Variants in CYRIB observed in about 807,000 individuals in gnomAD.
The protein encoded by CYRIB is CYFIP-related Rac1 interactor B.
In CYRIB, 8 loss-of-function variants were observed where a neutral mutation model predicts 44.2. The ratio of observed to expected loss-of-function variants is 0.18; its 90% confidence interval spans 0.11 to 0.33. CYRIB has a LOEUF of 0.33. CYRIB is among the 10% of genes least tolerant of loss of function. CYRIB has a pLI of 1.00. For synonymous variants in CYRIB, 131 were observed against 127.2 expected, an observed-to-expected ratio of 1.03 and a Z score of -0.20; for missense variants, 185 against 382.8, an observed-to-expected ratio of 0.48 and a Z score of 4.31.
At chr8:129,858,987 A>G (rs1209920945) in intron 5 of CYRIB, among the ~76,000 whole-genome samples, 2 of 152,224 alleles carry the variant, frequency 1.3e-5, no homozygotes, top group Non-Finnish European at 2.9e-5. Flanking sequence ...ATAAAGACAC[A>G]AGACAAAGAT....
intron 2 of CYRIB, among the ~76,000 whole-genome samples, chr8:129,945,116 G>C (rs1244099166): frequency 6.6e-6 from 1 of 151,854 alleles, no homozygotes. Context: ...TCCTGGGAGG[G>C]GCCTGGGCAA....
At chr8:129,883,504 C>T (rs1218189009) in intron 2 of CYRIB, among the ~76,000 whole-genome samples, 1 of 152,152 alleles carries the variant, frequency 6.6e-6, no homozygotes, top group African/African-American at 2.4e-5. Context: ...GCTCTAAAAA[C>T]AGTCCCATTA....
chr8:129,943,620 CA>C (rs71302386), upstream of CYRIB, among the ~76,000 whole-genome samples: 103,094 of 103,124 alleles, frequency 1, 51,532 homozygotes, highest in Middle Eastern at 1. Context: ...TTTTTTGAGA[CA>C]GGAGTCTCGC....
At position 129,896,447 on chromosome 8, in the gene CYRIB, A is replaced by C. The variant is rs1370016227; in HGVS notation, c.-11+6865T>G. ...CTAAAACATTAAAGCTGGCCTGGAC[A>C]GCAATGATATTTTCCCACAATACTC... On this transcript the variant is annotated intron_variant, in intron 2 of 11. Transcript: ENST00000519824. 2.0e-5 allele frequency among the ~76,000 whole-genome samples: 3 copies of C among 152,236 alleles called. 1 individual carries two copies. The highest frequency in any genetic ancestry group is 2.0e-4 in the Admixed American group (3 of 15,280).
intron 5 of CYRIB, among the ~76,000 whole-genome samples, chr8:129,860,227 A>C (rs963002422): frequency 2.0e-5 from 3 of 152,236 alleles, no homozygotes; most frequent in Non-Finnish European, 4.4e-5. Context: ...ATAACACTTA[A>C]GTCCAACTAG....
At chr8:129,954,757 T>G (rs2094701545) in intron 2 of CYRIB, among the ~76,000 whole-genome samples, 1 of 152,212 alleles carries the variant, frequency 6.6e-6, no homozygotes. Flanking sequence ...CTATACTGTC[T>G]TTATTTCCAA....
chr8:129,968,041 C>T (rs2095553798), intron 2 of CYRIB, among the ~76,000 whole-genome samples: 2 of 152,198 alleles, frequency 1.3e-5, no homozygotes, highest in African/African-American at 4.8e-5. Flanking sequence ...ATCCCAGATC[C>T]ATCACTTACC....
At chr8:129,913,034 T>C (rs1460364874) in intron 1 of CYRIB, among the ~76,000 whole-genome samples, 4 of 149,100 alleles carry the variant, frequency 2.7e-5, no homozygotes, top group African/African-American at 7.4e-5. Context: ...TGCAGTGGCA[T>C]GATCTAGGCT....
chr8:129,880,449 G>A (rs974116864), intron 2 of CYRIB: 6 of 985,598 alleles, frequency 6.1e-6, no homozygotes, highest in Admixed American at 1.2e-4. Flanking sequence ...GATTACCCAT[G>A]CCAGCAAACC....
At chr8:129,962,386 T>C (rs2095301660) in intron 2 of CYRIB, among the ~76,000 whole-genome samples, 2 of 152,144 alleles carry the variant, frequency 1.3e-5, no homozygotes, top group Admixed American at 6.5e-5. Flanking sequence ...GAGGCTGCAG[T>C]AAGCTAGAAT....
exon 12 of CYRIB, chr8:129,840,003 G>T (rs1328938333): frequency 3.3e-5 from 5 of 152,516 alleles, no homozygotes; most frequent in Non-Finnish European, 7.3e-5. Context: ...TCTCAAGTTC[G>T]CAGACTCTCC....
At chr8:129,849,199 T>A (rs191008078) in intron 10 of CYRIB, 44 bp downstream of exon 12, 1 of 1,530,924 alleles carries the variant, frequency 6.5e-7, no homozygotes, top group Non-Finnish European at 8.8e-7. Context: ...ATGGTTTCCA[T>A]GGAGAAACTC....
chr8:129,847,503 T>G (rs548292437), intron 10 of CYRIB, among the ~76,000 whole-genome samples: 1 of 151,894 alleles, frequency 6.6e-6, no homozygotes, highest in Non-Finnish European at 1.5e-5. Flanking sequence ...ACAGAATGAG[T>G]ATGTTACTAA....
At chr8:129,952,321 A>G (rs952942841) in intron 2 of CYRIB, among the ~76,000 whole-genome samples, 1 of 152,220 alleles carries the variant, frequency 6.6e-6, no homozygotes, top group Non-Finnish European at 1.5e-5. Context: ...TCAGCCTCCC[A>G]AAGTGCTGGG....
chr8:129,891,580 C>A (rs2134893151), intron 2 of CYRIB, among the ~76,000 whole-genome samples: 1 of 152,272 alleles, frequency 6.6e-6, no homozygotes, highest in East Asian at 1.9e-4. Flanking sequence ...GAAGCCCTAG[C>A]AAATGTTAAG....
At chr8:129,860,855 G>C (rs531286722) in intron 5 of CYRIB, among the ~76,000 whole-genome samples, 3 of 134,660 alleles carry the variant, frequency 2.2e-5, no homozygotes, top group Non-Finnish European at 4.9e-5. Context: ...TTGCTAGTTG[G>C]AGGCTTAAAG....
chr8:129,929,681 G>A (rs2090087494), intron 1 of CYRIB, among the ~76,000 whole-genome samples: 1 of 152,000 alleles, frequency 6.6e-6, no homozygotes, highest in Admixed American at 6.6e-5. Flanking sequence ...ATACCAAAAT[G>A]GCGTACATAC....
intron 1 of CYRIB, among the ~76,000 whole-genome samples, chr8:129,987,571 T>TTC (rs1457511661): frequency 1.7e-5 from 2 of 120,850 alleles, no homozygotes; most frequent in African/African-American, 8.4e-5. Context: ...TTTTTTTCTT[T>TTC]TTTTTTTTTT....
At chr8:129,929,940 C>T (rs1030370360) in intron 1 of CYRIB, among the ~76,000 whole-genome samples, 3 of 152,092 alleles carry the variant, frequency 2.0e-5, no homozygotes, top group African/African-American at 7.2e-5. Context: ...TGGCGAGGTG[C>T]GGTGGCTCAT....
Sources: allele counts gnomAD v4.1 joint callset (sites outside exome capture counted in the v4.1 genomes callset), GRCh38; gene constraint gnomAD v4.1.1; transcripts MANE v1.5; gene names NCBI Gene and HGNC (gene_info 2026-07-23, HGNC 2026-07-21).